The following IGSF10 variants were observed in gnomAD, a reference collection of about 807,000 sequenced individuals.
IGSF10 encodes calvaria mechanical force protein 608.
Under a neutral mutation model 128.2 loss-of-function variants are expected in IGSF10, and 126 were observed. The ratio of observed to expected loss-of-function variants is 0.98; its 90% CI spans 0.85 to 1.14. The LOEUF is 1.14. IGSF10 is among the 50% of genes most tolerant of loss of function. The probability of loss-of-function intolerance (pLI) is 0.00; values close to 1 mark genes in which losing one functional copy is unlikely to be tolerated. For synonymous variants in IGSF10, 1,185 were observed against 1,146.2 expected, an observed-to-expected ratio of 1.03 and a Z score of -0.68; for missense variants, 3,295 against 3,149.8, an observed-to-expected ratio of 1.05 and a Z score of -1.10.
the IGSF10 span, among the ~76,000 whole-genome samples, chr3:151,528,737 G>A: frequency 6.6e-6 from 1 of 152,098 alleles, no homozygotes; most frequent in Non-Finnish European, 1.5e-5. Context: ...TATGCCACCA[G>A]GGCCATGGGT....
chr3:151,515,372 A>G, the IGSF10 span, among the ~76,000 whole-genome samples: 2 of 150,950 alleles, frequency 1.3e-5, no homozygotes, highest in Admixed American at 6.6e-5. Flanking sequence ...GCAAGGACAG[A>G]AAAACCAAAC....
chr3:151,510,441 G>C, the IGSF10 span, among the ~76,000 whole-genome samples: 7 of 152,188 alleles, frequency 4.6e-5, no homozygotes, highest in Non-Finnish European at 8.8e-5. Context: ...AAACAGAAAG[G>C]ACACCCACAC....
At chr3:151,438,630 G>C (rs1310720722) in intron 7 of IGSF10, 33 bp from the exon 8 acceptor site, 2 of 1,550,276 alleles carry the variant, frequency 1.3e-6, no homozygotes, top group South Asian at 1.2e-5. Context: ...TGAGTGTGCA[G>C]CTGTTAGCAA....
the IGSF10 span, among the ~76,000 whole-genome samples, chr3:151,481,415 C>G: frequency 6.6e-6 from 1 of 152,274 alleles, no homozygotes; most frequent in East Asian, 1.9e-4. Context: ...CCTCACAGAG[C>G]TAATTTGCAG....
chr3:151,465,213 C>T (rs970688474), upstream of IGSF10, among the ~76,000 whole-genome samples: 2 of 152,168 alleles, frequency 1.3e-5, no homozygotes, highest in African/African-American at 4.8e-5. Context: ...GGATGAATCT[C>T]ACATTTTTGT....
the IGSF10 span, among the ~76,000 whole-genome samples, chr3:151,597,493 G>A: frequency 6.6e-6 from 1 of 152,190 alleles, no homozygotes; most frequent in Non-Finnish European, 1.5e-5. Flanking sequence ...AAAAGCCATA[G>A]AATTACCTAA....
chr3:151,564,797 G>A, the IGSF10 span, among the ~76,000 whole-genome samples: 8 of 152,114 alleles, frequency 5.3e-5, no homozygotes, highest in East Asian at 1.5e-3. Flanking sequence ...TCAATTACAA[G>A]AGGTACCCAA....
At chr3:151,617,447 G>A in the IGSF10 span, among the ~76,000 whole-genome samples, 1 of 150,370 alleles carries the variant, frequency 6.7e-6, no homozygotes. Flanking sequence ...GAATGGGAAT[G>A]CTTGTTCTAT....
chr3:151,458,212 T>A (rs1267048393), intron 3 of IGSF10, among the ~76,000 whole-genome samples: 1 of 151,964 alleles, frequency 6.6e-6, no homozygotes, highest in Non-Finnish European at 1.5e-5. Context: ...ATAACCCCAA[T>A]AGTTAACAGA....
Position 151,437,857 on chromosome 3 carries a change from G to A in IGSF10, c.6704C>T (p.Pro2235Leu), listed in dbSNP as rs958655695. Reference protein sequence around the residue: ...MYKLDVVSKPPLINGLYTNRT... With the variant: ...MYKLDVVSKPLLINGLYTNRT... ...GTTTGTATACAGACCATTGATTAATGGAGGTTTAGAGACCACATCCAGTTT... is the reference window on the plus strand; with the variant it reads ...GTTTGTATACAGACCATTGATTAATAGAGGTTTAGAGACCACATCCAGTTT... Residue 2235 changes from proline to leucine, a missense_variant, in exon 8 of 8, where the codon CCA (proline) becomes CTA (leucine). Physicochemically the swap from Pro to Leu is moderately conservative, Grantham distance 98. Transcript: ENST00000282466. 6.2e-7 allele frequency: 1 copy of A among 1,614,052 alleles called. No homozygotes were observed. The highest frequency in any genetic ancestry group is 8.5e-7 in the Non-Finnish European group (1 of 1,179,966).
chr3:151,475,068 G>A, the IGSF10 span, among the ~76,000 whole-genome samples: 137,690 of 152,214 alleles, frequency 0.9, 62,541 homozygotes, highest in East Asian at 1. Context: ...GATAGTCACA[G>A]TAATAGCCCC....
chr3:151,522,301 C>CA, the IGSF10 span, among the ~76,000 whole-genome samples: 5 of 152,070 alleles, frequency 3.3e-5, no homozygotes, highest in Non-Finnish European at 7.4e-5. Flanking sequence ...GAAACTGCTC[C>CA]AAAACAATTA....
At chr3:151,593,753 A>C in the IGSF10 span, among the ~76,000 whole-genome samples, 4 of 152,182 alleles carry the variant, frequency 2.6e-5, no homozygotes, top group Admixed American at 1.3e-4. Context: ...TTGGCCATTA[A>C]ATCTCAGAAA....
chr3:151,449,106 C>G lies in IGSF10; in HGVS notation c.875G>C (p.Ser292Thr), dbSNP rs142668910. ...PTIDSSLKSK[S>T]LTILEDSSSA... The stretch of plus-strand genomic sequence containing the variant: ...ACTACTGTCTTCCAGAATAGTCAGG[C>G]TCTTTGATTTCAGGGATGAGTCAAT... The change falls in exon 6 of 8, where the codon AGC becomes ACC. Residue 292 changes from serine (S) to threonine (T), a missense_variant. Transcript: ENST00000282466. 6.2e-7 allele frequency: 1 copy of G among 1,614,168 alleles called. No individual in the cohort carries two copies. The highest frequency in any genetic ancestry group is 1.3e-5 in the African/African-American group (1 of 75,042).
chr3:151,523,054 A>G, the IGSF10 span, among the ~76,000 whole-genome samples: 49 of 152,266 alleles, frequency 3.2e-4, 1 homozygote, highest in East Asian at 8.3e-3. Context: ...CAGAAAGGCA[A>G]TCCCATTCAC....
At chr3:151,494,373 C>T in the IGSF10 span, among the ~76,000 whole-genome samples, 3 of 151,900 alleles carry the variant, frequency 2.0e-5, no homozygotes, top group African/African-American at 7.3e-5. Flanking sequence ...GTGCAGAAAC[C>T]CCAGGCATAT....
chr3:151,544,474 C>T, the IGSF10 span, among the ~76,000 whole-genome samples: 4,348 of 152,272 alleles, frequency 0.029, 89 homozygotes, highest in Non-Finnish European at 0.041. Flanking sequence ...AAATATATAT[C>T]CAGCTTCCAT....
At chr3:151,438,911 A>C (rs1378894588) in intron 7 of IGSF10, among the ~76,000 whole-genome samples, 1 of 151,974 alleles carries the variant, frequency 6.6e-6, no homozygotes, top group Non-Finnish European at 1.5e-5. Context: ...CCATCACCTC[A>C]TAGTTACCTG....
At chr3:151,492,587 G>A in the IGSF10 span, among the ~76,000 whole-genome samples, 13 of 152,146 alleles carry the variant, frequency 8.5e-5, no homozygotes, top group South Asian at 2.1e-4. Context: ...GTGTGGTGGC[G>A]CATGCCTGTA....
Sources: allele counts gnomAD v4.1 joint callset (sites outside exome capture counted in the v4.1 genomes callset), GRCh38; gene constraint gnomAD v4.1.1; transcripts MANE v1.5; gene names NCBI Gene and HGNC (gene_info 2026-07-23, HGNC 2026-07-21).